The following IRS1 variants were observed in gnomAD, a reference collection of about 807,000 sequenced individuals.
IRS1 encodes insulin receptor substrate 1.
In IRS1, 34 loss-of-function variants were observed where a neutral mutation model predicts 65.6. The observed-to-expected ratio is 0.52, with a 90% CI of 0.39 to 0.69. The LOEUF (loss-of-function observed/expected upper bound fraction) is 0.69. Ranked by LOEUF, IRS1 falls within the 30% of genes least tolerant of loss-of-function variation. IRS1 has a pLI of 0.00. For missense variants in IRS1, 1,641 were observed against 1,720.2 expected, an observed-to-expected ratio of 0.95 and a Z score of 0.81; for synonymous variants, 699 against 683.5, an observed-to-expected ratio of 1.02 and a Z score of -0.35.
chr2:226,782,690 C>A (rs1939406185), intron 1 of IRS1, among the ~76,000 whole-genome samples: 2 of 152,230 alleles, frequency 1.3e-5, no homozygotes, highest in Non-Finnish European at 2.9e-5. Flanking sequence ...ATGTGAGCCA[C>A]CTGAGGACTG....
chr2:226,744,281 G>T lies in IRS1; in HGVS notation c.*22-8031C>A, dbSNP rs78543263. Among the ~76,000 whole-genome samples, 759 of 152,270 alleles carry T rather than the reference G, an allele frequency of 5.0e-3. 6 individuals carry two copies. Among genetic ancestry groups the T allele is most frequent in the African/African-American group, 0.016 (674 of 41,552 alleles). ...TGTGGTTCACTTTATGGAAGAACTTGGTCATGTAAGAAAAATCTACTGAAT... is the reference window on the plus strand; with the variant it reads ...TGTGGTTCACTTTATGGAAGAACTTTGTCATGTAAGAAAAATCTACTGAAT... On this transcript the variant is annotated intron_variant, in intron 1 of 1. Coordinates refer to ENST00000305123, the MANE Select transcript of IRS1 (RefSeq NM_005544.3).
At chr2:226,737,693 G>C (rs1264482588) in intron 1 of IRS1, among the ~76,000 whole-genome samples, 1 of 152,196 alleles carries the variant, frequency 6.6e-6, no homozygotes, top group East Asian at 1.9e-4. Context: ...AATAGCTCTA[G>C]ACACATGGAG....
Position 226,796,241 on chromosome 2 carries a change from TG to T in IRS1, c.2497del (p.His833ThrfsTer110). ...CAGATGGGGCTGCAGAACCTGATGG[TG>T]GGGATGTGGAAGGCTGGGCTCCAGC... ...ARLEPSLPHP[H>X]HQVLQPHLPR... On this transcript the variant is annotated frameshift_variant, in exon 1 of 2. Coordinates refer to ENST00000305123, the MANE Select transcript of IRS1 (RefSeq NM_005544.3). LOFTEE classifies it high-confidence loss of function. 1 of 1,613,420 alleles carries T rather than the reference TG, an allele frequency of 6.2e-7. No individual in the cohort carries two copies. The highest frequency in any genetic ancestry group is 8.5e-7 in the Non-Finnish European group (1 of 1,179,908).
In IRS1 at chr2:226,795,527, G is replaced by A; in HGVS notation, c.3212C>T (p.Ala1071Val). The A allele has an allele frequency of 6.2e-7, 1 of 1,613,342 alleles. No individual in the cohort carries two copies. The highest frequency in any genetic ancestry group is 8.5e-7 in the Non-Finnish European group (1 of 1,180,020). The part of the protein sequence containing the change: ...GGPQGPGGMS[A>V]FTRVNLSPNR... ...AGGACTGAGGTTCACCCGGGTGAAG[G>A]CGCTCATGCCCCCAGGTCCTTGTGG... Residue 1071 changes from alanine to valine, a missense_variant, in exon 1 of 2, where the codon GCC becomes GTC. By Grantham distance (64) the Ala-to-Val change is moderately conservative (BLOSUM62 0). Coordinates refer to ENST00000305123, the MANE Select transcript of IRS1 (RefSeq NM_005544.3).
At chr2:226,779,720 A>G (rs1939344787) in intron 1 of IRS1, among the ~76,000 whole-genome samples, 1 of 152,224 alleles carries the variant, frequency 6.6e-6, no homozygotes, top group Non-Finnish European at 1.5e-5. Context: ...TTAGCTCAAT[A>G]CTTCAAATGT....
In IRS1 at chr2:226,735,010, A is replaced by G. The variant is rs1938299919; in HGVS notation, c.*1262T>C. The G allele has an allele frequency of 6.6e-6, 1 of 152,240 alleles. No homozygotes were observed. Among genetic ancestry groups the G allele is most frequent in the Non-Finnish European group, 1.5e-5 (1 of 68,038 alleles). The allele number at this position is 152,240 out of a possible 1,614,324, so 9.4% of individuals were successfully genotyped here. Reference sequence around the variant, plus strand: ...TGGAAGTTCTCAAAAAATATGAGATAAGGTAAGAGTCTTAGGGAAGGTGAC... The same window carrying G: ...TGGAAGTTCTCAAAAAATATGAGATGAGGTAAGAGTCTTAGGGAAGGTGAC... On this transcript the variant is annotated 3_prime_UTR_variant, in exon 2 of 2. Transcript: ENST00000305123.
At chr2:226,783,899 A>G (rs933839885) in intron 1 of IRS1, among the ~76,000 whole-genome samples, 6 of 152,050 alleles carry the variant, frequency 3.9e-5, no homozygotes, top group African/African-American at 1.4e-4. Context: ...GCTGCTGGGA[A>G]CCTGTTCAAT....
chr2:226,796,029 C>T lies in IRS1; in HGVS notation c.2710G>A (p.Asp904Asn), dbSNP rs912749825. Residue 904 changes from aspartate (D) to asparagine (N), a missense_variant, in exon 1 of 2, where the codon GAT (aspartate) becomes AAT (asparagine). Transcript: ENST00000305123. ...GGGCCAGACAAGTAGCCAGACTGATCACTCCCAAATTCAATATTGACATAT... is the reference window on the plus strand; with the variant it reads ...GGGCCAGACAAGTAGCCAGACTGATTACTCCCAAATTCAATATTGACATAT... Reference protein sequence around the residue: ...GEYVNIEFGSDQSGYLSGPVA... With the variant: ...GEYVNIEFGSNQSGYLSGPVA... 6.2e-7 allele frequency: 1 copy of T among 1,614,190 alleles called. No individual in the cohort carries two copies. Among genetic ancestry groups the T allele is most frequent in the African/African-American group, 1.3e-5 (1 of 75,076 alleles).
intron 1 of IRS1, among the ~76,000 whole-genome samples, chr2:226,756,101 A>G (rs1189169603): frequency 1.3e-5 from 2 of 152,254 alleles, no homozygotes; most frequent in African/African-American, 4.8e-5. Context: ...GCCAACTTCC[A>G]TCAGAAGCAG....
In IRS1 at chr2:226,782,577, T is replaced by C. The variant is rs184849132; in HGVS notation, c.*21+12412A>G. ...ACCAGTTCTCATGTGGCTCAGTTTG[T>C]TGTGTAAGTGGGGACAAGCAGTAAG... On this transcript the variant is annotated intron_variant, in intron 1 of 1. Coordinates refer to ENST00000305123, the MANE Select transcript of IRS1 (RefSeq NM_005544.3). 5.1e-3 allele frequency among the ~76,000 whole-genome samples: 778 copies of C among 152,266 alleles called. 2 individuals carry two copies. Among genetic ancestry groups the C allele is most frequent in the Non-Finnish European group, 8.7e-3 (592 of 68,022 alleles).
chr2:226,769,597 A>C (rs1228506204), intron 1 of IRS1, among the ~76,000 whole-genome samples: 1 of 152,220 alleles, frequency 6.6e-6, no homozygotes, highest in Non-Finnish European at 1.5e-5. Flanking sequence ...TTAGAAACTT[A>C]ACTTTCACTT....
chr2:226,783,157 G>C (rs1361049434), intron 1 of IRS1, among the ~76,000 whole-genome samples: 1 of 152,096 alleles, frequency 6.6e-6, no homozygotes, highest in Non-Finnish European at 1.5e-5. Flanking sequence ...TTTTACTTAG[G>C]GGTGAGCTTT....
chr2:226,758,344 A>G (rs1485597609), intron 1 of IRS1, among the ~76,000 whole-genome samples: 1 of 152,198 alleles, frequency 6.6e-6, no homozygotes, highest in East Asian at 1.9e-4. Flanking sequence ...TACCATGACC[A>G]CTACCATGAC....
intron 1 of IRS1, among the ~76,000 whole-genome samples, chr2:226,793,537 A>G (rs935337039): frequency 1.6e-4 from 24 of 152,242 alleles, no homozygotes; most frequent in African/African-American, 5.8e-4. Flanking sequence ...GTGTTCATAT[A>G]CCTTTTTCTT....
At position 226,798,381 on chromosome 2, in the gene IRS1, G is replaced by A. The variant is rs760035936; in HGVS notation, c.358C>T (p.His120Tyr). The change falls in exon 1 of 2, where the codon CAC becomes TAC. Residue 120 changes from histidine (H) to tyrosine (Y), a missense_variant. Physicochemically the swap from His to Tyr is moderately conservative, Grantham distance 83. This residue lies in a region of IRS1 where 240 missense variants were observed against 229.6 expected (regional missense o/e 1.05). Transcript: ENST00000305123. The surrounding 1 kb of genome is among the most constrained non-coding windows in gnomAD (Gnocchi z 9.4). ...CCGAGGGCCGCAGCTCCGTCGTGGT[G>A]GCCCTTAGCACGGTTGTGCAGCTGT... The part of the protein sequence containing the change: ...LLQLHNRAKG[H>Y]HDGAAALGAG... The A allele has an allele frequency of 6.2e-7, 1 of 1,613,930 alleles. No individual in the cohort carries two copies. The highest frequency in any genetic ancestry group is 1.7e-5 in the Admixed American group (1 of 60,030).
chr2:226,771,116 G>T (rs1444829744), intron 1 of IRS1, among the ~76,000 whole-genome samples: 1 of 152,134 alleles, frequency 6.6e-6, no homozygotes, highest in Non-Finnish European at 1.5e-5. Flanking sequence ...TGTGGGCTGT[G>T]TTGTTTGTGA....
rs1218652396 is a variant in IRS1 at position 226,797,280 on chromosome 2, G to A, written c.1459C>T (p.Arg487Trp). 1.3e-5 allele frequency: 21 copies of A among 1,613,538 alleles called. No individual in the cohort carries two copies. In the East Asian group the frequency reaches 1.6e-4, roughly 12 times the overall value. The change falls in exon 1 of 2, where the codon CGG becomes TGG. Residue 487 changes from arginine to tryptophan, a missense_variant. By Grantham distance (101) the Arg-to-Trp change is moderately radical (BLOSUM62 -3). Transcript: ENST00000305123. This position sits in a 1 kb window ranked among gnomAD's most constrained non-coding sequence, Gnocchi z 8.1. Reference sequence around the variant, plus strand: ...GTGCAGCGGTGGCCATTGCCACCCCGAGACAAAATGTAGTGACCGTTGGGG... The same window carrying A: ...GTGCAGCGGTGGCCATTGCCACCCCAAGACAAAATGTAGTGACCGTTGGGG... The part of the protein sequence containing the change: ...TAPNGHYILS[R>W]GGNGHRCTPG...
intron 1 of IRS1, among the ~76,000 whole-genome samples, chr2:226,755,677 C>A (rs1938782889): frequency 6.6e-6 from 1 of 152,224 alleles, no homozygotes; most frequent in African/African-American, 2.4e-5. Flanking sequence ...TCATCCCATC[C>A]TTCCCCTCCC....
Position 226,799,168 on chromosome 2 carries a change from G to A in IRS1, c.-430C>T. The stretch of plus-strand genomic sequence containing the variant: ...CGCGCGCGCGCGCGCCTTCCCTCCT[G>A]AGTTCCCCTCTGGAAGCAGCGATTC... On this transcript the variant is annotated 5_prime_UTR_variant, in exon 1 of 2. It introduces an in-frame stop codon into an upstream open reading frame of the 5' UTR. Coordinates refer to ENST00000305123, the MANE Select transcript of IRS1 (RefSeq NM_005544.3). The surrounding 1 kb of genome is among the most constrained non-coding windows in gnomAD (Gnocchi z 6.1). 1 of 1,110,136 alleles carries A rather than the reference G, an allele frequency of 9.0e-7. No homozygotes were observed. The highest frequency in any genetic ancestry group is 1.1e-6 in the Non-Finnish European group (1 of 896,556). The allele number at this position is 1,110,136 out of a possible 1,614,324, so 68.8% of individuals were successfully genotyped here. A position where few individuals can be genotyped will look rare whatever the true frequency, so the allele number is the denominator to read the frequency against.
Sources: allele counts gnomAD v4.1 joint callset (sites outside exome capture counted in the v4.1 genomes callset), GRCh38; gene constraint gnomAD v4.1.1; regional missense constraint gnomAD v4.1.1; non-coding constraint Gnocchi (gnomAD v3.1); transcripts MANE v1.5; gene names NCBI Gene and HGNC (gene_info 2026-07-23, HGNC 2026-07-21).